The following DLG2 variants were observed in gnomAD, a reference collection of about 807,000 sequenced individuals.
The protein encoded by DLG2 is disks large homolog 2.
Under a neutral mutation model 132.5 loss-of-function variants are expected in DLG2, and 45 were observed. The ratio of observed to expected loss-of-function variants is 0.34; its 90% CI spans 0.27 to 0.44. DLG2 has a LOEUF of 0.44. Ranked by LOEUF, DLG2 falls within the 20% of genes least tolerant of loss-of-function variation. The pLI, the probability that DLG2 is intolerant of heterozygous loss-of-function variation, is 1.00. For synonymous variants in DLG2, 424 were observed against 419.6 expected, an observed-to-expected ratio of 1.01 and a Z score of -0.13; for missense variants, 1,045 against 1,196.9, an observed-to-expected ratio of 0.87 and a Z score of 1.87.
intron 3 of DLG2, among the ~76,000 whole-genome samples, chr11:85,420,917 C>T (rs920078251): frequency 6.6e-6 from 1 of 152,222 alleles, no homozygotes; most frequent in Non-Finnish European, 1.5e-5. Flanking sequence ...GGCTTCCTGG[C>T]TTCAGCCCCA....
At chr11:85,446,952 T>C (rs1363925673) in intron 3 of DLG2, among the ~76,000 whole-genome samples, 2 of 152,228 alleles carry the variant, frequency 1.3e-5, no homozygotes, top group Non-Finnish European at 2.9e-5. Flanking sequence ...TAAAATCTTT[T>C]AGTCTAATGA....
At chr11:85,482,791 A>C (rs2093329576) in intron 3 of DLG2, among the ~76,000 whole-genome samples, 1 of 151,966 alleles carries the variant, frequency 6.6e-6, no homozygotes, top group South Asian at 2.1e-4. Context: ...AGACTCTAGA[A>C]AACCCAGAGT....
chr11:84,225,209 T>C (rs930262589), intron 8 of DLG2, among the ~76,000 whole-genome samples: 3 of 152,248 alleles, frequency 2.0e-5, no homozygotes, highest in African/African-American at 7.2e-5. Context: ...ATTTCTGTAA[T>C]ACATTAATGG....
intron 7 of DLG2, among the ~76,000 whole-genome samples, chr11:84,453,455 G>A (rs1365949665): frequency 6.6e-6 from 1 of 151,522 alleles, no homozygotes; most frequent in Non-Finnish European, 1.5e-5. Flanking sequence ...GAAGAGAAAT[G>A]GGAACCAGAT....
At chr11:85,548,076 T>C (rs532082921) in intron 3 of DLG2, among the ~76,000 whole-genome samples, 34 of 152,310 alleles carry the variant, frequency 2.2e-4, no homozygotes, top group African/African-American at 7.9e-4. Flanking sequence ...TTCTGGTTTT[T>C]AGAATTTTCA....
At chr11:84,162,234 C>A (rs907603157) in intron 9 of DLG2, among the ~76,000 whole-genome samples, 6 of 151,964 alleles carry the variant, frequency 3.9e-5, no homozygotes, top group Non-Finnish European at 8.8e-5. Context: ...CTAAACATTA[C>A]CCCAAAATCC....
chr11:84,504,044 G>A (rs918977026), intron 7 of DLG2, among the ~76,000 whole-genome samples: 1 of 152,068 alleles, frequency 6.6e-6, no homozygotes. Context: ...TAATATTATT[G>A]TTGAAAATAA....
intron 8 of DLG2, among the ~76,000 whole-genome samples, chr11:84,238,743 C>T (rs193117803): frequency 1.3e-5 from 2 of 151,884 alleles, no homozygotes; most frequent in Admixed American, 1.3e-4. Flanking sequence ...CTTTATTACT[C>T]CAGTCTCATT....
intron 7 of DLG2, among the ~76,000 whole-genome samples, chr11:84,498,603 G>GT (rs2099192562): frequency 2.0e-5 from 3 of 152,110 alleles, no homozygotes; most frequent in Admixed American, 2.0e-4. Context: ...GTAAATAGAA[G>GT]TTTTGGCTGA....
chr11:84,592,161 G>T (rs746730265), intron 6 of DLG2, among the ~76,000 whole-genome samples: 14 of 152,128 alleles, frequency 9.2e-5, no homozygotes, highest in Non-Finnish European at 1.0e-4. Context: ...CAGCCAAGTC[G>T]GCAGGAATTT....
chr11:83,728,775 C>T (rs976152207), intron 18 of DLG2, among the ~76,000 whole-genome samples: 1 of 152,234 alleles, frequency 6.6e-6, no homozygotes, highest in African/African-American at 2.4e-5. Flanking sequence ...ACAGGGCCTT[C>T]CTCCTTGAAA....
intron 7 of DLG2, among the ~76,000 whole-genome samples, chr11:84,267,187 A>G (rs1465383478): frequency 2.0e-5 from 3 of 151,938 alleles, no homozygotes; most frequent in African/African-American, 7.3e-5. Flanking sequence ...GATAATAACA[A>G]TGATCCATTT....
chr11:83,797,605 G>A (rs1015150161), intron 17 of DLG2, among the ~76,000 whole-genome samples: 1 of 151,436 alleles, frequency 6.6e-6, no homozygotes, highest in Non-Finnish European at 1.5e-5. Flanking sequence ...TGCAAGCTTC[G>A]CCTTCTGGGT....
intron 7 of DLG2, among the ~76,000 whole-genome samples, chr11:84,356,757 G>A (rs1464249313): frequency 1.3e-5 from 2 of 151,980 alleles, no homozygotes; most frequent in African/African-American, 2.4e-5. Context: ...AAGGGAAAGA[G>A]GATCAGATAA....
intron 6 of DLG2, among the ~76,000 whole-genome samples, chr11:84,959,295 C>A (rs146432143): frequency 1.3e-4 from 20 of 152,258 alleles, no homozygotes; most frequent in East Asian, 9.7e-4. Flanking sequence ...AAATTCTCCA[C>A]AGAATGATTC....
At chr11:84,756,172 A>C (rs1032755565) in intron 6 of DLG2, among the ~76,000 whole-genome samples, 4 of 152,208 alleles carry the variant, frequency 2.6e-5, no homozygotes, top group Non-Finnish European at 5.9e-5. Context: ...ACTTGTAATA[A>C]TTATAATTAA....
At chr11:83,683,644 C>A (rs914469516) in intron 18 of DLG2, among the ~76,000 whole-genome samples, 3 of 152,142 alleles carry the variant, frequency 2.0e-5, no homozygotes, top group Non-Finnish European at 4.4e-5. Context: ...CATCACAAGA[C>A]TAAATGGAGA....
chr11:83,750,053 A>C (rs956101646), intron 18 of DLG2, among the ~76,000 whole-genome samples: 11 of 152,176 alleles, frequency 7.2e-5, no homozygotes, highest in Non-Finnish European at 1.3e-4. Context: ...ACTCTGATTA[A>C]TGCTAAGGTA....
intron 6 of DLG2, among the ~76,000 whole-genome samples, chr11:85,085,556 A>G (rs556904497): frequency 1.3e-5 from 2 of 152,238 alleles, no homozygotes; most frequent in East Asian, 3.9e-4. Flanking sequence ...TTTACCAAAT[A>G]TAACCTACTT....
Sources: allele counts gnomAD v4.1 joint callset (sites outside exome capture counted in the v4.1 genomes callset), GRCh38; gene constraint gnomAD v4.1.1; transcripts MANE v1.5; gene names NCBI Gene and HGNC (gene_info 2026-07-23, HGNC 2026-07-21).